The following VMP1 variants were observed in gnomAD, a reference collection of about 807,000 sequenced individuals.
VMP1 encodes vacuole membrane protein 1, also known as ectopic P-granules autophagy protein 3 homolog.
A neutral mutation model predicts 56.0 loss-of-function variants in VMP1; 11 were observed. The observed-to-expected ratio is 0.20, with a 90% CI of 0.12 to 0.32. VMP1 has a LOEUF of 0.32. Among genes scored for constraint, VMP1 ranks in the 10% least tolerant of loss-of-function variants. The pLI is 1.00. For missense variants in VMP1, 296 were observed against 490.3 expected (o/e 0.60, Z 3.74); for synonymous variants, 149 against 165.0 (o/e 0.90, Z 0.74).
chr17:59,821,784 A>C (rs2038464269), intron 10 of VMP1, among the ~76,000 whole-genome samples: 1 of 151,616 alleles, frequency 6.6e-6, no homozygotes, highest in Non-Finnish European at 1.5e-5. Context: ...TCCTGACCTC[A>C]GGTGATCCAC....
chr17:59,795,147 G>A lies in VMP1; in HGVS notation c.715-13649G>A, dbSNP rs1001361305. 2.6e-4 allele frequency among the ~76,000 whole-genome samples: 39 copies of A among 151,886 alleles called. 1 individual carries two copies. Among genetic ancestry groups the A allele is most frequent in the Non-Finnish European group, 3.5e-4 (24 of 67,972 alleles). ...TGCGCCACCACGCCCAGCTAATTTC[G>A]TATTTTTAGTAGAGACGGGGTTTCT... On this transcript the variant is annotated intron_variant, in intron 7 of 11. Coordinates refer to ENST00000262291, the MANE Select transcript of VMP1 (RefSeq NM_030938.5).
In VMP1 at chr17:59,840,137, G is replaced by C. The variant is rs954853783; in HGVS notation, c.*226G>C. 1.6e-5 allele frequency: 8 copies of C among 498,926 alleles called. No individual in the cohort carries two copies. The African/African-American group carries it at 1.6e-4, about 10-fold the overall frequency. The allele number at this position is 498,926 out of a possible 1,614,324, so 30.9% of individuals were successfully genotyped here. A position where few individuals can be genotyped will look rare whatever the true frequency, so the allele number is the denominator to read the frequency against. On this transcript the variant is annotated 3_prime_UTR_variant, in exon 12 of 12. Coordinates refer to ENST00000262291, the MANE Select transcript of VMP1 (RefSeq NM_030938.5). ...ATCCACCTTGTGTTTTCTTAGGGTG[G>C]AATGTGATGTTCAGCAGCAAACTTG... is the stretch of plus-strand genomic sequence containing the variant.
chr17:59,790,579 C>T (rs913439084), intron 7 of VMP1, among the ~76,000 whole-genome samples: 3 of 152,126 alleles, frequency 2.0e-5, no homozygotes, highest in Non-Finnish European at 4.4e-5. Context: ...CACTTGAGGT[C>T]AGGAGTTTGA....
At chr17:59,778,847 G>A (rs1341255632) in intron 7 of VMP1, among the ~76,000 whole-genome samples, 2 of 152,172 alleles carry the variant, frequency 1.3e-5, no homozygotes, top group African/African-American at 2.4e-5. Context: ...ACAAACCATA[G>A]GTCGAATTTT....
At chr17:59,744,098 T>TG in intron 5 of VMP1, among the ~76,000 whole-genome samples, 1 of 151,704 alleles carries the variant, frequency 6.6e-6, no homozygotes, top group East Asian at 1.9e-4. Flanking sequence ...TTTTGTTTTT[T>TG]TTTTTTAAAT....
intron 5 of VMP1, among the ~76,000 whole-genome samples, chr17:59,761,193 A>G (rs1338240497): frequency 6.6e-6 from 1 of 152,108 alleles, no homozygotes; most frequent in Non-Finnish European, 1.5e-5. Context: ...GAGCCACCGC[A>G]CCCAGCCCAT....
At chr17:59,782,931 G>A (rs1401969456) in intron 7 of VMP1, among the ~76,000 whole-genome samples, 1 of 152,162 alleles carries the variant, frequency 6.6e-6, no homozygotes, top group African/African-American at 2.4e-5. Flanking sequence ...GGCCGGGCGC[G>A]ATGGCTCACA....
chr17:59,835,152 G>A (rs1267748898), intron 10 of VMP1, among the ~76,000 whole-genome samples: 4 of 150,532 alleles, frequency 2.7e-5, no homozygotes, highest in Non-Finnish European at 5.9e-5. Flanking sequence ...TTTTTGAGAC[G>A]GAGTCTCACT....
chr17:59,794,786 T>C (rs1402238808), intron 7 of VMP1, among the ~76,000 whole-genome samples: 1 of 151,566 alleles, frequency 6.6e-6, no homozygotes, highest in Non-Finnish European at 1.5e-5. Flanking sequence ...TCTTTCTTCC[T>C]AGACTATACA....
intron 1 of VMP1, among the ~76,000 whole-genome samples, chr17:59,718,028 A>G (rs2034235110): frequency 6.6e-6 from 1 of 152,032 alleles, no homozygotes; most frequent in South Asian, 2.1e-4. Context: ...ATTTAAGTTG[A>G]GGAACTTTTT....
chr17:59,811,823 G>A, intron 9 of VMP1, 37 bp downstream of exon 9: 2 of 1,337,286 alleles, frequency 1.5e-6, no homozygotes, highest in Non-Finnish European at 2.1e-6. Context: ...TAATGATGAT[G>A]AACCCATTAC....
chr17:59,811,870 T>A, intron 9 of VMP1, 84 bp downstream of exon 9: 1 of 987,772 alleles, frequency 1.0e-6, no homozygotes, highest in Non-Finnish European at 1.5e-6. Context: ...AGTGAATTAT[T>A]TAGTTATTCT....
intron 5 of VMP1, among the ~76,000 whole-genome samples, chr17:59,761,078 A>G (rs1019285618): frequency 6.8e-6 from 1 of 146,738 alleles, no homozygotes; most frequent in South Asian, 2.2e-4. Flanking sequence ...AATTTTTTGT[A>G]TTTTTAGTAG....
intron 10 of VMP1, among the ~76,000 whole-genome samples, chr17:59,828,743 A>C (rs1598455184): frequency 6.6e-6 from 1 of 151,858 alleles, no homozygotes; most frequent in African/African-American, 2.4e-5. Flanking sequence ...AAACATGATT[A>C]GGGGGCTACC....
chr17:59,774,925 T>C (rs995455858), intron 7 of VMP1, among the ~76,000 whole-genome samples: 5 of 149,296 alleles, frequency 3.3e-5, no homozygotes. Context: ...AGTGAGACCT[T>C]GTCTCTACAA....
At chr17:59,811,823 G>T in intron 9 of VMP1, 37 bp downstream of exon 9, 1 of 1,337,290 alleles carries the variant, frequency 7.5e-7, no homozygotes, top group South Asian at 1.2e-5. Flanking sequence ...TAATGATGAT[G>T]AACCCATTAC....
chr17:59,736,601 G>A (rs1041966353), intron 3 of VMP1, among the ~76,000 whole-genome samples: 2 of 151,648 alleles, frequency 1.3e-5, no homozygotes, highest in African/African-American at 2.4e-5. Context: ...AAAATTAGCC[G>A]GGCATGGTGG....
intron 7 of VMP1, among the ~76,000 whole-genome samples, chr17:59,777,510 T>A (rs1307660600): frequency 6.6e-6 from 1 of 151,856 alleles, no homozygotes; most frequent in Non-Finnish European, 1.5e-5. Context: ...TGAGGTACAG[T>A]CTTTTTAAAA....
chr17:59,711,580 G>T (rs1172330145), intron 1 of VMP1, among the ~76,000 whole-genome samples: 1 of 152,100 alleles, frequency 6.6e-6, no homozygotes, highest in African/African-American at 2.4e-5. Flanking sequence ...ATTTTATATG[G>T]GAAAGCAGCT....
Sources: gnomAD v4.1 joint callset for allele counts (sites outside exome capture counted in the v4.1 genomes callset) on GRCh38, gnomAD v4.1.1 for gene constraint, MANE v1.5 for transcripts, NCBI Gene and HGNC (gene_info 2026-07-23, HGNC 2026-07-21) for gene names.